OR14K1: variants seen among roughly 807,000 people sequenced by gnomAD.
The protein encoded by OR14K1 is olfactory receptor 14K1.
For synonymous variants in OR14K1, 104 were observed against 70.0 expected (o/e 1.49, Z -2.42); for missense variants, 253 against 174.4 (o/e 1.45, Z -2.54).
In OR14K1 at chr1:247,739,187, T is replaced by C. The variant is rs199713291; in HGVS notation, c.573T>C (p.His191=). 91 of 780,918 alleles carry C rather than the reference T, an allele frequency of 1.2e-4. No homozygotes were observed. The highest frequency in any genetic ancestry group is 1.9e-4 in the Non-Finnish European group (81 of 417,986). 48.4% of individuals were successfully genotyped at this position (780,918 alleles called of 1,614,324 possible). Residue 191 remains histidine, a synonymous_variant, in exon 1 of 1, where the codon CAT becomes CAC. Transcript: ENST00000283225. Reference sequence around the variant, plus strand: ...TAAAGCTCACTTGTTCTAAAGAACATGCCATCATTAGTGTCAGTGTGGCCA... The same window carrying C: ...TAAAGCTCACTTGTTCTAAAGAACACGCCATCATTAGTGTCAGTGTGGCCA... ...ALLKLTCSKE[H]AIISVSVAIG...
rs1263235589 is a variant in OR14K1, at chr1:247,739,537, G to C, written c.923G>C (p.Ser308Thr). The change falls in exon 1 of 1, where the codon AGC becomes ACC. Residue 308 changes from serine to threonine, a missense_variant. By Grantham distance (58) the Ser-to-Thr change is moderately conservative. Transcript: ENST00000283225. ...AGTAAAGTCCTGTGGAATGTTAGAA[G>C]CAGTGGGGTAATGAAAAGATGACTA... ...ALSKVLWNVR[S>T]SGVMKR is the part of the protein sequence containing the mutation. The C allele has an allele frequency of 9.0e-6, 7 of 776,538 alleles. No individual in the cohort carries two copies. Among genetic ancestry groups the C allele is most frequent in the Non-Finnish European group, 2.4e-6 (1 of 416,582 alleles). The allele number at this position is 776,538 out of a possible 1,614,324, so 48.1% of individuals were successfully genotyped here.
At position 247,739,434 on chromosome 1, in the gene OR14K1, G is replaced by A; in HGVS notation, c.820G>A (p.Val274Met). Reference protein sequence around the residue: ...APSILDLLVSVFYSVAPPTLN... With the variant: ...APSILDLLVSMFYSVAPPTLN... Reference sequence around the variant, plus strand: ...TTCTATTCTAGACTTGCTGGTGTCTGTGTTCTATTCTGTCGCACCTCCAAC... The same window carrying A: ...TTCTATTCTAGACTTGCTGGTGTCTATGTTCTATTCTGTCGCACCTCCAAC... Residue 274 changes from valine to methionine, a missense_variant, in exon 1 of 1, where the codon GTG becomes ATG. By Grantham distance (21) the Val-to-Met change is conservative (BLOSUM62 1). Transcript: ENST00000283225. 1.3e-6 allele frequency: 1 copy of A among 780,756 alleles called. No homozygotes were observed. The allele number at this position is 780,756 out of a possible 1,614,324, so 48.4% of individuals were successfully genotyped here.
Position 247,739,528 on chromosome 1 carries a change from A to C in OR14K1, c.914A>C (p.Asn305Thr). 1 of 780,310 alleles carries C rather than the reference A, an allele frequency of 1.3e-6. No homozygotes were observed. The highest frequency in any genetic ancestry group is 2.4e-6 in the Non-Finnish European group (1 of 417,832). The allele number at this position is 780,310 out of a possible 1,614,324, so 48.3% of individuals were successfully genotyped here. ...IKSALSKVLW[N>T]VRSSGVMKR The stretch of plus-strand genomic sequence containing the variant: ...TCCGCTCTGAGTAAAGTCCTGTGGA[A>C]TGTTAGAAGCAGTGGGGTAATGAAA... Residue 305 changes from asparagine to threonine, a missense_variant, in exon 1 of 1, where the codon AAT becomes ACT. Transcript: ENST00000283225.
chr1:247,739,399 C>A lies in OR14K1; in HGVS notation c.785C>A (p.Ser262Tyr). Residue 262 changes from serine to tyrosine, a missense_variant, in exon 1 of 1, where the codon TCT becomes TAT. Physicochemically the swap from Ser to Tyr is moderately radical, Grantham distance 144 (BLOSUM62 -2). Transcript: ENST00000283225. ...TGAVAYLKPG[S>Y]DAPSILDLLV... Reference sequence around the variant, plus strand: ...GCTGTTGCTTATTTAAAGCCAGGGTCTGATGCACCTTCTATTCTAGACTTG... The same window carrying A: ...GCTGTTGCTTATTTAAAGCCAGGGTATGATGCACCTTCTATTCTAGACTTG... 1 of 780,758 alleles carries A rather than the reference C, an allele frequency of 1.3e-6. No homozygotes were observed. The highest frequency in any genetic ancestry group is 1.3e-5 in the South Asian group (1 of 74,610). 48.4% of individuals were successfully genotyped at this position (780,758 alleles called of 1,614,324 possible). A position where few individuals can be genotyped will look rare whatever the true frequency, so the allele number is the denominator to read the frequency against.
At position 247,738,866 on chromosome 1, in the gene OR14K1, C is replaced by A. The variant is rs371401584; in HGVS notation, c.252C>A (p.Val84=). The part of the protein sequence containing the change: ...ATVPKSILNS[V]ASTDSISFLG... ...TCCCCAAATCCATCCTCAACTCTGTCGCCTCCACTGACTCCATCTCCTTCC... is the reference window on the plus strand; with the variant it reads ...TCCCCAAATCCATCCTCAACTCTGTAGCCTCCACTGACTCCATCTCCTTCC... The change falls in exon 1 of 1, where the codon GTC becomes GTA. Residue 84 remains valine (V), a synonymous_variant. Coordinates refer to ENST00000283225, the MANE Select transcript of OR14K1 (RefSeq NM_001004732.2). 1.3e-6 allele frequency: 1 copy of A among 780,780 alleles called. No individual in the cohort carries two copies. Among genetic ancestry groups the A allele is most frequent in the South Asian group, 1.3e-5 (1 of 74,582 alleles). The allele number at this position is 780,780 out of a possible 1,614,324, so 48.4% of individuals were successfully genotyped here. A position where few individuals can be genotyped will look rare whatever the true frequency, so the allele number is the denominator to read the frequency against.
rs749691119 is a variant in OR14K1, at chr1:247,739,306, G to A, written c.692G>A (p.Arg231Lys). 1.3e-6 allele frequency: 1 copy of A among 780,816 alleles called. No individual in the cohort carries two copies. Among genetic ancestry groups the A allele is most frequent in the Non-Finnish European group, 2.4e-6 (1 of 417,968 alleles). The allele number at this position is 780,816 out of a possible 1,614,324, so 48.4% of individuals were successfully genotyped here. A position where few individuals can be genotyped will look rare whatever the true frequency, so the allele number is the denominator to read the frequency against. The stretch of plus-strand genomic sequence containing the variant: ...GTGTTAAGGATATCACAGAGACAGA[G>A]ACAATCCAAAGCCTTTTCCAACTGT... ...SAVLRISQRQRQSKAFSNCVP... is the reference protein window; with the variant it reads ...SAVLRISQRQKQSKAFSNCVP... The change falls in exon 1 of 1, where the codon AGA becomes AAA. Residue 231 changes from arginine to lysine, a missense_variant. By Grantham distance (26) the Arg-to-Lys change is conservative. Transcript: ENST00000283225.
At position 247,739,376 on chromosome 1, in the gene OR14K1, T is replaced by G; in HGVS notation, c.762T>G (p.Ala254=). ...TCACTGTGTTTCTTGTAACAGGTGC[T>G]GTTGCTTATTTAAAGCCAGGGTCTG... is the stretch of plus-strand genomic sequence containing the variant. ...IVVTVFLVTG[A]VAYLKPGSDA... Residue 254 remains alanine, a synonymous_variant, in exon 1 of 1, where the codon GCT becomes GCG. Transcript: ENST00000283225. 1 of 780,890 alleles carries G rather than the reference T, an allele frequency of 1.3e-6. No individual in the cohort carries two copies. The highest frequency in any genetic ancestry group is 2.4e-6 in the Non-Finnish European group (1 of 417,984). The allele number at this position is 780,890 out of a possible 1,614,324, so 48.4% of individuals were successfully genotyped here. A position where few individuals can be genotyped will look rare whatever the true frequency, so the allele number is the denominator to read the frequency against.
chr1:247,739,036 A>G lies in OR14K1; in HGVS notation c.422A>G (p.Gln141Arg). ...GTCATGAGCAGAGGGCTCTGTGTCC[A>G]GTTGATGGCTCTGTCCTGGCTCAAC... ...EAVMSRGLCV[Q>R]LMALSWLNRG... is the part of the protein sequence containing the mutation. Residue 141 changes from glutamine to arginine, a missense_variant, in exon 1 of 1, where the codon CAG (glutamine) becomes CGG (arginine). Gln to Arg is a conservative substitution (Grantham distance 43). Transcript: ENST00000283225. 1 of 780,718 alleles carries G rather than the reference A, an allele frequency of 1.3e-6. No homozygotes were observed. Among genetic ancestry groups the G allele is most frequent in the Non-Finnish European group, 2.4e-6 (1 of 417,932 alleles). The allele number at this position is 780,718 out of a possible 1,614,324, so 48.4% of individuals were successfully genotyped here. A position where few individuals can be genotyped will look rare whatever the true frequency, so the allele number is the denominator to read the frequency against.
In OR14K1 at chr1:247,739,244, T is replaced by G. The variant is rs1481088294; in HGVS notation, c.630T>G (p.Val210=). ...IGVCYAFSCL[V]CIVVSYVYIF... ...TCTGTTATGCATTTTCATGTTTAGT[T>G]TGCATTGTAGTTTCCTATGTGTACA... The change falls in exon 1 of 1, where the codon GTT becomes GTG. Residue 210 remains valine, a synonymous_variant. Transcript: ENST00000283225. 3 of 780,880 alleles carry G rather than the reference T, an allele frequency of 3.8e-6. No homozygotes were observed. The highest frequency in any genetic ancestry group is 7.2e-6 in the Non-Finnish European group (3 of 417,984). 48.4% of individuals were successfully genotyped at this position (780,880 alleles called of 1,614,324 possible). A position where few individuals can be genotyped will look rare whatever the true frequency, so the allele number is the denominator to read the frequency against.
chr1:247,739,295 A>G lies in OR14K1; in HGVS notation c.681A>G (p.Ser227=), dbSNP rs772946031. ...VYIFSAVLRI[S]QRQRQSKAFS... ...TTTTCTCTGCTGTGTTAAGGATATC[A>G]CAGAGACAGAGACAATCCAAAGCCT... Residue 227 remains serine, a synonymous_variant, in exon 1 of 1, where the codon TCA becomes TCG. Coordinates refer to ENST00000283225, the MANE Select transcript of OR14K1 (RefSeq NM_001004732.2). The G allele has an allele frequency of 1.3e-6, 1 of 780,816 alleles. No individual in the cohort carries two copies. Among genetic ancestry groups the G allele is most frequent in the South Asian group, 1.3e-5 (1 of 74,620 alleles). The allele number at this position is 780,816 out of a possible 1,614,324, so 48.4% of individuals were successfully genotyped here.
At position 247,739,146 on chromosome 1, in the gene OR14K1, G is replaced by C; in HGVS notation, c.532G>C (p.Asp178His). 1 of 780,732 alleles carries C rather than the reference G, an allele frequency of 1.3e-6. No individual in the cohort carries two copies. The highest frequency in any genetic ancestry group is 2.4e-6 in the Non-Finnish European group (1 of 417,938). The allele number at this position is 780,732 out of a possible 1,614,324, so 48.4% of individuals were successfully genotyped here. A position where few individuals can be genotyped will look rare whatever the true frequency, so the allele number is the denominator to read the frequency against. Residue 178 changes from aspartate to histidine, a missense_variant, in exon 1 of 1, where the codon GAT becomes CAT. Transcript: ENST00000283225. The part of the protein sequence containing the change: ...GSDELHQFFC[D>H]VPALLKLTCS... Reference sequence around the variant, plus strand: ...TGATGAGCTACATCAGTTCTTCTGCGATGTCCCTGCCCTACTAAAGCTCAC... The same window carrying C: ...TGATGAGCTACATCAGTTCTTCTGCCATGTCCCTGCCCTACTAAAGCTCAC...
Position 247,739,446 on chromosome 1 carries a change from G to A in OR14K1, c.832G>A (p.Val278Ile). 2.6e-6 allele frequency: 2 copies of A among 780,738 alleles called. No homozygotes were observed. The highest frequency in any genetic ancestry group is 4.8e-6 in the Non-Finnish European group (2 of 417,956). The allele number at this position is 780,738 out of a possible 1,614,324, so 48.4% of individuals were successfully genotyped here. ...LDLLVSVFYS[V>I]APPTLNPVIY... Reference sequence around the variant, plus strand: ...CTTGCTGGTGTCTGTGTTCTATTCTGTCGCACCTCCAACCTTGAACCCTGT... The same window carrying A: ...CTTGCTGGTGTCTGTGTTCTATTCTATCGCACCTCCAACCTTGAACCCTGT... The change falls in exon 1 of 1, where the codon GTC (valine) becomes ATC (isoleucine). Residue 278 changes from valine to isoleucine, a missense_variant. Physicochemically the swap from Val to Ile is conservative, Grantham distance 29. Transcript: ENST00000283225.
rs1284448022 is a variant in OR14K1, at chr1:247,738,843, C to T, written c.229C>T (p.Pro77Ser). Residue 77 changes from proline to serine, a missense_variant, in exon 1 of 1, where the codon CCC (proline) becomes TCC (serine). Transcript: ENST00000283225. ...LDLCLISATVPKSILNSVAST... is the reference protein window; with the variant it reads ...LDLCLISATVSKSILNSVAST... ...CCTGTGTCTCATTTCTGCCACAGTC[C>T]CCAAATCCATCCTCAACTCTGTCGC... 1.3e-6 allele frequency: 1 copy of T among 780,584 alleles called. No homozygotes were observed. The highest frequency in any genetic ancestry group is 2.4e-6 in the Non-Finnish European group (1 of 417,976). 48.4% of individuals were successfully genotyped at this position (780,584 alleles called of 1,614,324 possible).
chr1:247,739,008 G>A lies in OR14K1; in HGVS notation c.394G>A (p.Ala132Thr), dbSNP rs370536959. The change falls in exon 1 of 1, where the codon GCT (alanine) becomes ACT (threonine). Residue 132 changes from alanine to threonine, a missense_variant. Physicochemically the swap from Ala to Thr is moderately conservative, Grantham distance 58. Transcript: ENST00000283225. ...AAICCPLHCE[A>T]VMSRGLCVQL... ...CATCTGCTGCCCCCTACACTGTGAGGCTGTCATGAGCAGAGGGCTCTGTGT... is the reference window on the plus strand; with the variant it reads ...CATCTGCTGCCCCCTACACTGTGAGACTGTCATGAGCAGAGGGCTCTGTGT... 7.6e-5 allele frequency: 59 copies of A among 780,658 alleles called. 1 individual carries two copies. The African/African-American group carries it at 9.8e-4, about 13-fold the overall frequency. The allele number at this position is 780,658 out of a possible 1,614,324, so 48.4% of individuals were successfully genotyped here. A position where few individuals can be genotyped will look rare whatever the true frequency, so the allele number is the denominator to read the frequency against.
rs756465407 is a variant in OR14K1, at chr1:247,738,766, A to G, written c.152A>G (p.His51Arg). ...LVIILLMILD[H>R]RLHMAMYFFL... ...ATCATTCTCCTCATGATTCTGGACC[A>G]TCGTCTCCACATGGCAATGTACTTT... The change falls in exon 1 of 1, where the codon CAT becomes CGT. Residue 51 changes from histidine (H) to arginine (R), a missense_variant. Coordinates refer to ENST00000283225, the MANE Select transcript of OR14K1 (RefSeq NM_001004732.2). The G allele has an allele frequency of 3.8e-6, 3 of 780,658 alleles. No individual in the cohort carries two copies. The highest frequency in any genetic ancestry group is 7.2e-6 in the Non-Finnish European group (3 of 417,970). The allele number at this position is 780,658 out of a possible 1,614,324, so 48.4% of individuals were successfully genotyped here.
Position 247,739,396 on chromosome 1 carries a change from G to T in OR14K1, c.782G>T (p.Gly261Val), listed in dbSNP as rs1238184616. The change falls in exon 1 of 1, where the codon GGG becomes GTG. Residue 261 changes from glycine (G) to valine (V), a missense_variant. Physicochemically the swap from Gly to Val is moderately radical, Grantham distance 109 (BLOSUM62 -3). Coordinates refer to ENST00000283225, the MANE Select transcript of OR14K1 (RefSeq NM_001004732.2). ...GGTGCTGTTGCTTATTTAAAGCCAG[G>T]GTCTGATGCACCTTCTATTCTAGAC... ...VTGAVAYLKP[G>V]SDAPSILDLL... is the part of the protein sequence containing the mutation. The T allele has an allele frequency of 9.0e-6, 7 of 780,556 alleles. No individual in the cohort carries two copies. Among genetic ancestry groups the T allele is most frequent in the Non-Finnish European group, 1.7e-5 (7 of 417,946 alleles). The allele number at this position is 780,556 out of a possible 1,614,324, so 48.4% of individuals were successfully genotyped here.
In OR14K1 at chr1:247,738,998, A is replaced by G; in HGVS notation, c.384A>G (p.Leu128=). 1 of 779,942 alleles carries G rather than the reference A, an allele frequency of 1.3e-6. No individual in the cohort carries two copies. Among genetic ancestry groups the G allele is most frequent in the Non-Finnish European group, 2.4e-6 (1 of 417,720 alleles). 48.3% of individuals were successfully genotyped at this position (779,942 alleles called of 1,614,324 possible). ...YDRYAAICCP[L]HCEAVMSRGL... ...GCTATGCTGCCATCTGCTGCCCCCT[A>G]CACTGTGAGGCTGTCATGAGCAGAG... The change falls in exon 1 of 1, where the codon CTA becomes CTG. Residue 128 remains leucine (L), a synonymous_variant. Transcript: ENST00000283225.
Position 247,739,550 on chromosome 1 carries a change from G to A in OR14K1, c.936G>A (p.Met312Ile). 1.3e-6 allele frequency: 1 copy of A among 773,156 alleles called. No homozygotes were observed. The highest frequency in any genetic ancestry group is 1.4e-5 in the South Asian group (1 of 72,782). 47.9% of individuals were successfully genotyped at this position (773,156 alleles called of 1,614,324 possible). Residue 312 changes from methionine to isoleucine, a missense_variant, in exon 1 of 1, where the codon ATG becomes ATA. Met to Ile is a conservative substitution (Grantham distance 10). Transcript: ENST00000283225. ...GGAATGTTAGAAGCAGTGGGGTAAT[G>A]AAAAGATGACTAAAGTTGAAGATGG... is the stretch of plus-strand genomic sequence containing the variant. ...VLWNVRSSGV[M>I]KR
At position 247,738,951 on chromosome 1, in the gene OR14K1, C is replaced by G. The variant is rs1272158826; in HGVS notation, c.337C>G (p.Leu113Val). The change falls in exon 1 of 1, where the codon CTT (leucine) becomes GTT (valine). Residue 113 changes from leucine (L) to valine (V), a missense_variant. By Grantham distance (32) the Leu-to-Val change is conservative (BLOSUM62 1). Coordinates refer to ENST00000283225, the MANE Select transcript of OR14K1 (RefSeq NM_001004732.2). ...VLLAGSEIGI[L>V]TAMSYDRYAA... ...GCTGGCTGGATCAGAGATTGGCATCCTTACTGCCATGTCCTATGACCGCTA... is the reference window on the plus strand; with the variant it reads ...GCTGGCTGGATCAGAGATTGGCATCGTTACTGCCATGTCCTATGACCGCTA... 1.0e-5 allele frequency: 8 copies of G among 780,578 alleles called. No homozygotes were observed. Among genetic ancestry groups the G allele is most frequent in the Non-Finnish European group, 1.9e-5 (8 of 417,974 alleles). The allele number at this position is 780,578 out of a possible 1,614,324, so 48.4% of individuals were successfully genotyped here. A position where few individuals can be genotyped will look rare whatever the true frequency, so the allele number is the denominator to read the frequency against.
Sources: gnomAD v4.1 joint callset for allele counts on GRCh38, gnomAD v4.1.1 for gene constraint, MANE v1.5 for transcripts, NCBI Gene and HGNC (gene_info 2026-07-23, HGNC 2026-07-21) for gene names.